NRXN1: variants seen among roughly 807,000 people sequenced by gnomAD.
NRXN1 encodes the protein neurexin 1.
In NRXN1, 39 loss-of-function variants were observed where a neutral mutation model predicts 150.9. That is an observed-to-expected ratio of 0.26 (90% CI 0.20 to 0.34). The LOEUF (loss-of-function observed/expected upper bound fraction) is 0.34. NRXN1 is among the 10% of genes least tolerant of loss of function. The pLI is 1.00. For missense variants in NRXN1, 1,815 were observed against 1,949.9 expected, an observed-to-expected ratio of 0.93 and a Z score of 1.30; for synonymous variants, 924 against 757.0, an observed-to-expected ratio of 1.22 and a Z score of -3.62.
chr2:50,441,759 C>G (rs1051196236), intron 17 of NRXN1, among the ~76,000 whole-genome samples: 1 of 112,684 alleles, frequency 8.9e-6, no homozygotes, highest in Non-Finnish European at 1.7e-5. Flanking sequence ...TTATTTTGGT[C>G]TTAAAAATAT....
chr2:50,289,861 C>A (rs980373980), intron 17 of NRXN1, among the ~76,000 whole-genome samples: 1 of 152,040 alleles, frequency 6.6e-6, no homozygotes, highest in Non-Finnish European at 1.5e-5. Context: ...AATCAGCTAA[C>A]CTTTAGCAAA....
At chr2:50,043,109 T>C (rs1020608223) in intron 21 of NRXN1, among the ~76,000 whole-genome samples, 1 of 152,204 alleles carries the variant, frequency 6.6e-6, no homozygotes, top group Non-Finnish European at 1.5e-5. Flanking sequence ...AATTTCAGAC[T>C]AGATTCTTTA....
At chr2:50,225,168 T>G (rs663558) in intron 18 of NRXN1, among the ~76,000 whole-genome samples, 100,612 of 151,812 alleles carry the variant, frequency 0.66, 34,465 homozygotes, top group African/African-American at 0.83. Context: ...TATCCTTTGG[T>G]ACTGTACCTC....
chr2:50,156,415 T>A (rs974381608), intron 18 of NRXN1, among the ~76,000 whole-genome samples: 23 of 152,064 alleles, frequency 1.5e-4, no homozygotes, highest in African/African-American at 5.3e-4. Flanking sequence ...CTTTGGGTAA[T>A]CATTGTTTGA....
chr2:50,329,338 AC>A (rs1407755648), intron 17 of NRXN1, among the ~76,000 whole-genome samples: 1 of 151,844 alleles, frequency 6.6e-6, no homozygotes, highest in Non-Finnish European at 1.5e-5. Flanking sequence ...ACAGTGTAAA[AC>A]AGTTAAAACG....
chr2:50,965,372 A>G (rs1693894289), intron 2 of NRXN1, among the ~76,000 whole-genome samples: 2 of 151,432 alleles, frequency 1.3e-5, no homozygotes, highest in South Asian at 4.1e-4. Flanking sequence ...AGTAGATACT[A>G]TCCTGTTGAC....
At chr2:50,137,623 C>A (rs1455293307) in intron 18 of NRXN1, among the ~76,000 whole-genome samples, 1 of 152,102 alleles carries the variant, frequency 6.6e-6, no homozygotes, top group Admixed American at 6.6e-5. Flanking sequence ...AACTGGTACT[C>A]TACCAAGAAT....
chr2:50,825,509 T>TA (rs1385459191), intron 5 of NRXN1, among the ~76,000 whole-genome samples: 51 of 152,250 alleles, frequency 3.3e-4, no homozygotes, highest in African/African-American at 1.2e-3. Flanking sequence ...CCATAATAAC[T>TA]CAAAAGGACT....
chr2:50,165,563 G>A (rs1190270010), intron 18 of NRXN1, among the ~76,000 whole-genome samples: 1 of 151,870 alleles, frequency 6.6e-6, no homozygotes, highest in African/African-American at 2.4e-5. Flanking sequence ...TGGCCAGGCT[G>A]GTCTCCAACT....
chr2:49,960,737 G>C (rs1169247071), intron 21 of NRXN1, among the ~76,000 whole-genome samples: 1 of 152,082 alleles, frequency 6.6e-6, no homozygotes, highest in African/African-American at 2.4e-5. Context: ...CCAACAAAAA[G>C]ACATGCAAAA....
chr2:50,083,963 C>T (rs1698371743), intron 19 of NRXN1, among the ~76,000 whole-genome samples: 4 of 152,012 alleles, frequency 2.6e-5, no homozygotes, highest in Admixed American at 2.6e-4. Flanking sequence ...AAACCTTGAG[C>T]TAGATAGAGT....
rs11387792 is a variant in NRXN1, at chr2:50,727,109, TA to T, written c.833-103495del. 8.7e-3 allele frequency among the ~76,000 whole-genome samples: 1,320 copies of T among 151,916 alleles called. 18 individuals are homozygous for T. The highest frequency in any genetic ancestry group is 0.029 in the African/African-American group (1,219 of 41,468). On this transcript the variant is annotated intron_variant, in intron 5 of 22. Transcript: ENST00000401669. The stretch of plus-strand genomic sequence containing the variant: ...TGGGAACCTTTATAAAAAAAGGTCT[TA>T]AAAAAAATCTATGAAGCAAGAATTA...
intron 9 of NRXN1, among the ~76,000 whole-genome samples, chr2:50,544,904 T>C (rs2093461916): frequency 6.6e-6 from 1 of 152,180 alleles, no homozygotes; most frequent in East Asian, 1.9e-4. Context: ...CTAAGGTATG[T>C]ATGGTGTCAC....
intron 8 of NRXN1, among the ~76,000 whole-genome samples, chr2:50,614,455 T>C (rs1678705412): frequency 6.6e-6 from 1 of 151,918 alleles, no homozygotes; most frequent in South Asian, 2.1e-4. Context: ...ACAGATACTC[T>C]ATTCCTCTCT....
intron 2 of NRXN1, 95 bp downstream of exon 2, chr2:51,027,407 G>T: frequency 7.7e-7 from 1 of 1,297,712 alleles, no homozygotes; most frequent in Non-Finnish European, 1.0e-6. Context: ...CCACACGTTT[G>T]CCAAGATTAG....
chr2:50,957,180 A>T (rs975403360), intron 2 of NRXN1, among the ~76,000 whole-genome samples: 16 of 152,182 alleles, frequency 1.1e-4, no homozygotes, highest in Non-Finnish European at 2.4e-4. Flanking sequence ...ATAAAAATTC[A>T]GTAAAAGAAC....
chr2:50,192,852 C>T (rs1223498742), intron 18 of NRXN1, among the ~76,000 whole-genome samples: 3 of 152,108 alleles, frequency 2.0e-5, no homozygotes, highest in Non-Finnish European at 4.4e-5. Flanking sequence ...TCAAGTCATC[C>T]GCTCCCATCG....
intron 5 of NRXN1, among the ~76,000 whole-genome samples, chr2:50,854,829 C>T (rs1276430113): frequency 1.3e-5 from 2 of 152,008 alleles, no homozygotes; most frequent in African/African-American, 4.8e-5. Context: ...CTATAAATTA[C>T]TTTTATGTGG....
At chr2:49,963,310 T>G (rs1287825625) in intron 21 of NRXN1, among the ~76,000 whole-genome samples, 1 of 152,110 alleles carries the variant, frequency 6.6e-6, no homozygotes, top group Non-Finnish European at 1.5e-5. Context: ...GTCTTTCAAG[T>G]GACAGGAATG....
Sources: allele counts gnomAD v4.1 joint callset (sites outside exome capture counted in the v4.1 genomes callset), GRCh38; gene constraint gnomAD v4.1.1; transcripts MANE v1.5; gene names NCBI Gene and HGNC (gene_info 2026-07-23, HGNC 2026-07-21).